RASL10A: variants seen among roughly 807,000 people sequenced by gnomAD.
RASL10A encodes the protein ras-like protein family member 10A.
In RASL10A, 13 loss-of-function variants were observed where a neutral mutation model predicts 17.3. The observed-to-expected ratio is 0.75, with a 90% confidence interval of 0.49 to 1.20. The LOEUF (loss-of-function observed/expected upper bound fraction) is 1.20. RASL10A is among the 50% of genes most tolerant of loss of function. RASL10A has a pLI of 0.00. For missense variants in RASL10A, 307 were observed against 310.3 expected (o/e 0.99, Z 0.08); for synonymous variants, 159 against 142.2 (o/e 1.12, Z -0.84).
At chr22:29,314,049 C>CT in intron 1 of RASL10A, 62 bp from the exon 2 acceptor site, 2 of 1,595,174 alleles carry the variant, frequency 1.3e-6, no homozygotes, top group South Asian at 2.2e-5. Flanking sequence ...CTCGAACCCT[C>CT]TGCAGGGGCC....
Position 29,313,272 on chromosome 22 carries a change from G to A in RASL10A, c.*29C>T. 6 of 1,458,738 alleles carry A rather than the reference G, an allele frequency of 4.1e-6. No individual in the cohort carries two copies. The highest frequency in any genetic ancestry group is 1.4e-5 in the South Asian group (1 of 71,490). 90.4% of individuals were successfully genotyped at this position (1,458,738 alleles called of 1,614,324 possible). A position where few individuals can be genotyped will look rare whatever the true frequency, so the allele number is the denominator to read the frequency against. On this transcript the variant is annotated 3_prime_UTR_variant, in exon 3 of 3. Transcript: ENST00000216101. ...CCCTGATTGTCCCAGTCACAAGGTG[G>A]GGCCCATGGATGGCACTGTCCGATC... is the stretch of plus-strand genomic sequence containing the variant.
Position 29,313,571 on chromosome 22 carries a change from G to A in RASL10A, c.345-3C>T, listed in dbSNP as rs1181892439. The A allele has an allele frequency of 2.0e-6, 3 of 1,532,282 alleles. No individual in the cohort carries two copies. Among genetic ancestry groups the A allele is most frequent in the East Asian group, 2.3e-5 (1 of 43,556 alleles). 94.9% of individuals were successfully genotyped at this position (1,532,282 alleles called of 1,614,324 possible). A position where few individuals can be genotyped will look rare whatever the true frequency, so the allele number is the denominator to read the frequency against. ...GCGCTTCGGGCGCGCCCGCCGGCCT[G>A]GGGGCCGAATGGAGATGAGAGACGC... On this transcript the variant is annotated splice_region_variant and splice_polypyrimidine_tract_variant and intron_variant, in intron 2 of 2. Coordinates refer to ENST00000216101, the MANE Select transcript of RASL10A (RefSeq NM_006477.5).
Position 29,315,263 on chromosome 22 carries a change from C to T in RASL10A, c.-17G>A, listed in dbSNP as rs938623112. 2.8e-6 allele frequency: 4 copies of T among 1,427,310 alleles called. No homozygotes were observed. Among genetic ancestry groups the T allele is most frequent in the African/African-American group, 3.0e-5 (2 of 66,510 alleles). 88.4% of individuals were successfully genotyped at this position (1,427,310 alleles called of 1,614,324 possible). On this transcript the variant is annotated 5_prime_UTR_variant, in exon 1 of 3. Transcript: ENST00000216101. This position sits in a 1 kb window ranked among gnomAD's most constrained non-coding sequence, Gnocchi z 5.5. ...ACCCCCCATGGCCGGCCGGCGCTGTCGCTCCCCGCGCTGGAAAGCCTCATG... is the reference window on the plus strand; with the variant it reads ...ACCCCCCATGGCCGGCCGGCGCTGTTGCTCCCCGCGCTGGAAAGCCTCATG...
At position 29,315,269 on chromosome 22, in the gene RASL10A, C is replaced by G; in HGVS notation, c.-23G>C. ...CATGGCCGGCCGGCGCTGTCGCTCC[C>G]CGCGCTGGAAAGCCTCATGGGCCGG... On this transcript the variant is annotated 5_prime_UTR_variant, in exon 1 of 3. Coordinates refer to ENST00000216101, the MANE Select transcript of RASL10A (RefSeq NM_006477.5). The surrounding 1 kb of genome is among the most constrained non-coding windows in gnomAD (Gnocchi z 5.5). 1 of 1,424,990 alleles carries G rather than the reference C, an allele frequency of 7.0e-7. No individual in the cohort carries two copies. Among genetic ancestry groups the G allele is most frequent in the Non-Finnish European group, 9.1e-7 (1 of 1,097,110 alleles). 88.3% of individuals were successfully genotyped at this position (1,424,990 alleles called of 1,614,324 possible).
chr22:29,313,093 A>G lies in RASL10A; in HGVS notation c.*208T>C. On this transcript the variant is annotated 3_prime_UTR_variant, in exon 3 of 3. Coordinates refer to ENST00000216101, the MANE Select transcript of RASL10A (RefSeq NM_006477.5). ...ATTGAGGTCCCAGAAAGGACTGGTCATCTCCAATGGAGCTTGGGACCTGGT... is the reference window on the plus strand; with the variant it reads ...ATTGAGGTCCCAGAAAGGACTGGTCGTCTCCAATGGAGCTTGGGACCTGGT... 1.8e-6 allele frequency: 1 copy of G among 548,794 alleles called. No homozygotes were observed. Among genetic ancestry groups the G allele is most frequent in the Non-Finnish European group, 3.0e-6 (1 of 337,406 alleles). The allele number at this position is 548,794 out of a possible 1,614,324, so 34.0% of individuals were successfully genotyped here.
At chr22:29,316,503 G>A (rs1234567667), upstream of RASL10A, among the ~76,000 whole-genome samples, 1 of 151,838 alleles carries the variant, frequency 6.6e-6, no homozygotes. Context: ...AACCCGTAGC[G>A]CCCCTCAAAG....
intron 2 of RASL10A, 91 bp from the exon 3 acceptor site, chr22:29,313,659 A>C: frequency 4.2e-6 from 6 of 1,417,482 alleles, no homozygotes; most frequent in Non-Finnish European, 5.6e-6. Context: ...TTCCCTTCCT[A>C]CGGCCAGAGA....
chr22:29,313,912 C>A lies in RASL10A; in HGVS notation c.295G>T (p.Asp99Tyr), dbSNP rs765536353. Residue 99 changes from aspartate (D) to tyrosine (Y), a missense_variant, in exon 2 of 3, where the codon GAC (aspartate) becomes TAC (tyrosine). Coordinates refer to ENST00000216101, the MANE Select transcript of RASL10A (RefSeq NM_006477.5). ...FVLVYDICSP[D>Y]SFDYVKALRQ... Reference sequence around the variant, plus strand: ...AGGGCCTTCACGTAGTCGAAACTGTCCGGGCTGCAGATGTCGTAGACGAGC... The same window carrying A: ...AGGGCCTTCACGTAGTCGAAACTGTACGGGCTGCAGATGTCGTAGACGAGC... The A allele has an allele frequency of 9.5e-5, 153 of 1,613,902 alleles. No homozygotes were observed. The highest frequency in any genetic ancestry group is 1.3e-4 in the Non-Finnish European group (149 of 1,180,044).
chr22:29,316,751 A>G (rs577507558), upstream of RASL10A: 1 of 152,318 alleles, frequency 6.6e-6, no homozygotes, highest in African/African-American at 2.4e-5. Flanking sequence ...CTCTGCACTG[A>G]CTAAGGAGTT....
chr22:29,313,623 C>T (rs1353878229), intron 2 of RASL10A, 55 bp from the exon 3 acceptor site: 1 of 1,478,676 alleles, frequency 6.8e-7, no homozygotes, highest in Non-Finnish European at 8.9e-7. Flanking sequence ...GAGAATTCCC[C>T]CAGTGGGTAT....
In RASL10A at chr22:29,312,946, C is replaced by T. The variant is rs539986728; in HGVS notation, c.*355G>A. The T allele has an allele frequency of 1.2e-4, 37 of 315,564 alleles. No individual in the cohort carries two copies. Among genetic ancestry groups the T allele is most frequent in the African/African-American group, 7.2e-4 (34 of 46,906 alleles). 19.5% of individuals were successfully genotyped at this position (315,564 alleles called of 1,614,324 possible). A position where few individuals can be genotyped will look rare whatever the true frequency, so the allele number is the denominator to read the frequency against. On this transcript the variant is annotated 3_prime_UTR_variant, in exon 3 of 3. Coordinates refer to ENST00000216101, the MANE Select transcript of RASL10A (RefSeq NM_006477.5). ...TCCCAGGCGCACTCAAATTATTTTC[C>T]CTTTTATTATCCCGTGGTAGGTGTG... is the stretch of plus-strand genomic sequence containing the variant.
chr22:29,314,849 T>G (rs2061443320), intron 1 of RASL10A, among the ~76,000 whole-genome samples, 179 bp downstream of exon 1: 1 of 152,182 alleles, frequency 6.6e-6, no homozygotes, highest in African/African-American at 2.4e-5. Flanking sequence ...CAGCCTGGGC[T>G]TGGGCGTCTC....
At chr22:29,319,851 G>A (rs1056053692), upstream of RASL10A, among the ~76,000 whole-genome samples, 2 of 152,108 alleles carry the variant, frequency 1.3e-5, no homozygotes, top group Non-Finnish European at 2.9e-5. Context: ...CAGGCATGGT[G>A]GCGGGGGCCT....
chr22:29,315,698 G>C (rs1446804917), upstream of RASL10A: 1 of 152,018 alleles, frequency 6.6e-6, no homozygotes, highest in Non-Finnish European at 1.5e-5. The surrounding 1 kb of genome is among the most constrained non-coding windows in gnomAD (Gnocchi z 5.5). Context: ...GCCTGGAGTC[G>C]CCGCCCCAGC....
rs1454365233 is a variant in RASL10A at position 29,315,013 on chromosome 22, TCCTCGAGCCGCTA to T, written c.219+2_219+14del. 3 of 1,486,232 alleles carry T rather than the reference TCCTCGAGCCGCTA, an allele frequency of 2.0e-6. No individual in the cohort carries two copies. Among genetic ancestry groups the T allele is most frequent in the South Asian group, 2.6e-5 (2 of 77,542 alleles). 92.1% of individuals were successfully genotyped at this position (1,486,232 alleles called of 1,614,324 possible). On this transcript the variant is annotated splice_donor_variant and splice_donor_5th_base_variant and intron_variant, in intron 1 of 2. Coordinates refer to ENST00000216101, the MANE Select transcript of RASL10A (RefSeq NM_006477.5). LOFTEE classifies it high-confidence loss of function. This position sits in a 1 kb window ranked among gnomAD's most constrained non-coding sequence, Gnocchi z 5.5. ...CACACTGTCACACGCCCCTGCCCGC[TCCTCGAGCCGCTA>T]CCTCCGGACCCCCGGGGCTCGAGCC...
chr22:29,314,665 C>T (rs1229977878), intron 1 of RASL10A, among the ~76,000 whole-genome samples: 1 of 152,138 alleles, frequency 6.6e-6, no homozygotes, highest in East Asian at 1.9e-4. Context: ...CTGCTCCTGA[C>T]CCCAGTCTCT....
At position 29,313,250 on chromosome 22, in the gene RASL10A, T is replaced by C. The variant is rs566796561; in HGVS notation, c.*51A>G. Reference sequence around the variant, plus strand: ...GGCGATCCCGTCCAATCCAGGTCCCTGATTGTCCCAGTCACAAGGTGGGGC... The same window carrying C: ...GGCGATCCCGTCCAATCCAGGTCCCCGATTGTCCCAGTCACAAGGTGGGGC... On this transcript the variant is annotated 3_prime_UTR_variant, in exon 3 of 3. Coordinates refer to ENST00000216101, the MANE Select transcript of RASL10A (RefSeq NM_006477.5). The C allele has an allele frequency of 2.4e-5, 34 of 1,445,380 alleles. No individual in the cohort carries two copies. The highest frequency in any genetic ancestry group is 2.9e-5 in the African/African-American group (2 of 68,216). The allele number at this position is 1,445,380 out of a possible 1,614,324, so 89.5% of individuals were successfully genotyped here.
upstream of RASL10A, among the ~76,000 whole-genome samples, chr22:29,316,382 C>T (rs2061454393): frequency 6.6e-6 from 1 of 152,202 alleles, no homozygotes; most frequent in Non-Finnish European, 1.5e-5. Context: ...ACCACAGCAG[C>T]TTAGCCCCAG....
At chr22:29,316,267 T>G (rs984430721), upstream of RASL10A, among the ~76,000 whole-genome samples, 2 of 152,154 alleles carry the variant, frequency 1.3e-5, no homozygotes, top group African/African-American at 4.8e-5. Context: ...GAAGTCTCCT[T>G]TGAAGTCCCT....
Sources: gnomAD v4.1 joint callset for allele counts (sites outside exome capture counted in the v4.1 genomes callset) on GRCh38, gnomAD v4.1.1 for gene constraint, Gnocchi (gnomAD v3.1) non-coding constraint, MANE v1.5 for transcripts, NCBI Gene and HGNC (gene_info 2026-07-23, HGNC 2026-07-21) for gene names.